The following HMCES variants were observed in gnomAD, a reference collection of about 807,000 sequenced individuals.
The protein encoded by HMCES is 5-hydroxymethylcytosine binding, ES cell specific, also known as abasic site processing protein HMCES.
In HMCES, 27 loss-of-function variants were observed where a neutral mutation model predicts 35.1. The ratio of observed to expected loss-of-function variants is 0.77; its 90% CI spans 0.57 to 1.06. The LOEUF (loss-of-function observed/expected upper bound fraction) is 1.06. Ranked by LOEUF, HMCES falls within the 50% of genes least tolerant of loss-of-function variation. The probability of loss-of-function intolerance (pLI) is 0.00; values close to 1 mark genes in which losing one functional copy is unlikely to be tolerated. For synonymous variants in HMCES, 130 were observed against 154.7 expected, an observed-to-expected ratio of 0.84 and a Z score of 1.18; for missense variants, 391 against 430.4, an observed-to-expected ratio of 0.91 and a Z score of 0.81.
At chr3:129,298,706 G>A (rs1191416950) in intron 5 of HMCES, among the ~76,000 whole-genome samples, 171 bp downstream of exon 5, 6 of 152,054 alleles carry the variant, frequency 3.9e-5, no homozygotes, top group Non-Finnish European at 8.8e-5. Context: ...TATGCAAAAC[G>A]ATAGAATAAA....
chr3:129,301,961 T>TA lies in HMCES; in HGVS notation c.648dup (p.Leu217IlefsTer9). The TA allele has an allele frequency of 6.2e-7, 1 of 1,613,228 alleles. No homozygotes were observed. Among genetic ancestry groups the TA allele is most frequent in the East Asian group, 2.2e-5 (1 of 44,892 alleles). ...ACTTCCCTGGCCAGGATGCCTGCCATATTAGATGGAGAGGAGGCAGTTTCT... is the reference window on the plus strand; with the variant it reads ...ACTTCCCTGGCCAGGATGCCTGCCATAATTAGATGGAGAGGAGGCAGTTTCT... On this transcript the variant is annotated frameshift_variant, in exon 6 of 7. Transcript: ENST00000383463. LOFTEE classifies it high-confidence loss of function.
chr3:129,279,930 A>G lies in HMCES; in HGVS notation c.183+15A>G, dbSNP rs774981548. The G allele has an allele frequency of 6.4e-7, 1 of 1,572,444 alleles. No individual in the cohort carries two copies. Among genetic ancestry groups the G allele is most frequent in the Non-Finnish European group, 8.6e-7 (1 of 1,160,144 alleles). ...ACTTTGAGAAGGTAACCAGCATTGC[A>G]CTATGCTAGCCCCTCGCCCAGCCTC... On this transcript the variant is annotated intron_variant, in intron 2 of 6. Transcript: ENST00000383463. This position sits in a 1 kb window ranked among gnomAD's most constrained non-coding sequence, Gnocchi z 4.2.
chr3:129,303,983 G>C (rs746542590), intron 6 of HMCES, among the ~76,000 whole-genome samples: 2 of 151,930 alleles, frequency 1.3e-5, no homozygotes, highest in Non-Finnish European at 2.9e-5. Context: ...GGGCTCAAGC[G>C]ATCTTCCCAC....
rs571804979 is a variant in HMCES, at chr3:129,291,356, A to G, written c.453+552A>G. Among the ~76,000 whole-genome samples the G allele has an allele frequency of 2.6e-5, 4 of 152,358 alleles. No homozygotes were observed. The South Asian group carries it at 8.3e-4, about 32-fold the overall frequency. On this transcript the variant is annotated intron_variant, in intron 4 of 6. Coordinates refer to ENST00000383463, the MANE Select transcript of HMCES (RefSeq NM_020187.3). ...AGAATATTTTTATCACTCTAGAAGG[A>G]AACTACATATCCATTAGCAATCACT...
At chr3:129,300,402 G>A (rs7646150) in intron 5 of HMCES, among the ~76,000 whole-genome samples, 2,231 of 152,200 alleles carry the variant, frequency 0.015, 56 homozygotes, top group African/African-American at 0.05. Context: ...GCTCTCTACT[G>A]TATCAGTGGC....
At chr3:129,288,691 A>G (rs1341652473) in intron 2 of HMCES, among the ~76,000 whole-genome samples, 163 bp from the exon 3 acceptor site, 1 of 151,782 alleles carries the variant, frequency 6.6e-6, no homozygotes, top group Non-Finnish European at 1.5e-5. Flanking sequence ...GCCAGACCTT[A>G]TCTCAAAAAA....
chr3:129,291,330 TA>T (rs1168014975), intron 4 of HMCES, among the ~76,000 whole-genome samples: 2 of 152,260 alleles, frequency 1.3e-5, no homozygotes, highest in Non-Finnish European at 2.9e-5. Flanking sequence ...CCTCTATTTT[TA>T]GAATATTTTT....
intron 4 of HMCES, 141 bp downstream of exon 4, chr3:129,290,945 G>T: frequency 1.3e-6 from 1 of 749,552 alleles, no homozygotes; most frequent in Non-Finnish European, 2.0e-6. Context: ...GCTCACGCCT[G>T]TGATCCCAGC....
At chr3:129,283,993 A>T (rs1049889495) in intron 2 of HMCES, among the ~76,000 whole-genome samples, 1 of 152,212 alleles carries the variant, frequency 6.6e-6, no homozygotes, top group Non-Finnish European at 1.5e-5. Flanking sequence ...AAACACACAC[A>T]AACAGTCCTC....
intron 5 of HMCES, among the ~76,000 whole-genome samples, chr3:129,301,435 C>CTT (rs10685511): frequency 0.25 from 38,336 of 151,910 alleles, 8,098 homozygotes; most frequent in African/African-American, 0.58. Flanking sequence ...GTGTGCCACA[C>CTT]TGCATTGGCC....
rs1267453780 is a variant in HMCES, at chr3:129,302,106, T to C, written c.792T>C (p.Pro264=). 6.2e-7 allele frequency: 1 copy of C among 1,613,854 alleles called. No individual in the cohort carries two copies. Among genetic ancestry groups the C allele is most frequent in the East Asian group, 2.2e-5 (1 of 44,890 alleles). Residue 264 remains proline, a synonymous_variant, in exon 6 of 7, where the codon CCT becomes CCC. Coordinates refer to ENST00000383463, the MANE Select transcript of HMCES (RefSeq NM_020187.3). ...SVVNNSRNNT[P]ECLAPVDLVV... is the part of the protein sequence containing the mutation. ...TGAACAACTCGCGAAACAACACTCC[T>C]GAGTGTCTGGCTCCTGTCGACTTGG...
chr3:129,299,950 C>G (rs561287479), intron 5 of HMCES, among the ~76,000 whole-genome samples: 1 of 151,718 alleles, frequency 6.6e-6, no homozygotes, highest in Non-Finnish European at 1.5e-5. Flanking sequence ...TGAAGTTGTT[C>G]CAGCCATGGT....
At chr3:129,282,811 GGT>G (rs1940534654) in intron 2 of HMCES, among the ~76,000 whole-genome samples, 3 of 152,150 alleles carry the variant, frequency 2.0e-5, no homozygotes, top group African/African-American at 7.2e-5. Context: ...AGTGCTACCA[GGT>G]GTTCTGTTCA....
chr3:129,287,538 C>T (rs1365608261), intron 2 of HMCES, among the ~76,000 whole-genome samples: 2 of 152,084 alleles, frequency 1.3e-5, no homozygotes, highest in African/African-American at 4.8e-5. Flanking sequence ...AGATACCTAG[C>T]AGGTACCAAA....
At chr3:129,292,065 G>C (rs1337391156) in intron 4 of HMCES, among the ~76,000 whole-genome samples, 1 of 152,026 alleles carries the variant, frequency 6.6e-6, no homozygotes, top group Non-Finnish European at 1.5e-5. Context: ...GACAGAGTGA[G>C]ACCCCATCTC....
intron 3 of HMCES, among the ~76,000 whole-genome samples, chr3:129,289,379 G>A (rs73862878): frequency 0.11 from 16,244 of 152,144 alleles, 2,449 homozygotes; most frequent in African/African-American, 0.33. Context: ...CCTAGCTCGA[G>A]GGTGTCAGGG....
upstream of HMCES, chr3:129,278,848 G>A (rs112795705): frequency 0.017 from 2,576 of 152,102 alleles, 79 homozygotes; most frequent in African/African-American, 0.058. Flanking sequence ...GGTGGCCAAA[G>A]CGGAGCGGAG....
intron 4 of HMCES, among the ~76,000 whole-genome samples, chr3:129,292,957 T>C (rs1159530724): frequency 6.6e-6 from 1 of 152,166 alleles, no homozygotes; most frequent in East Asian, 1.9e-4. Flanking sequence ...TCTTCAGGTA[T>C]GTGCAGTTAT....
chr3:129,303,998 G>A (rs377371102), intron 6 of HMCES, among the ~76,000 whole-genome samples: 2 of 152,030 alleles, frequency 1.3e-5, no homozygotes, highest in African/African-American at 4.8e-5. Flanking sequence ...TCCCACCTCA[G>A]CCTCCCAAAG....
Sources: allele counts gnomAD v4.1 joint callset (sites outside exome capture counted in the v4.1 genomes callset), GRCh38; gene constraint gnomAD v4.1.1; non-coding constraint Gnocchi (gnomAD v3.1); transcripts MANE v1.5; gene names NCBI Gene and HGNC (gene_info 2026-07-23, HGNC 2026-07-21).